The following IMMP2L variants were observed in gnomAD, a reference collection of about 807,000 sequenced individuals.
IMMP2L encodes the protein inner mitochondrial membrane peptidase subunit 2.
IMMP2L carries 18 observed loss-of-function variants against 19.3 expected under a neutral mutation model. The ratio of observed to expected loss-of-function variants is 0.93; its 90% confidence interval spans 0.64 to 1.38. IMMP2L has a LOEUF of 1.38. Ranked by LOEUF, IMMP2L falls within the 40% of genes most tolerant of loss-of-function variation. The pLI is 0.00. For synonymous variants in IMMP2L, 76 were observed against 73.0 expected (o/e 1.04, Z -0.21); for missense variants, 233 against 218.2 (o/e 1.07, Z -0.43).
intron 1 of IMMP2L, among the ~76,000 whole-genome samples, chr7:111,525,525 C>T (rs1479582651): frequency 6.6e-6 from 1 of 152,050 alleles, no homozygotes; most frequent in Admixed American, 6.6e-5. Flanking sequence ...TATAGGGAAA[C>T]CACATTATTC....
At chr7:111,268,954 G>A (rs867767256) in intron 3 of IMMP2L, among the ~76,000 whole-genome samples, 1 of 152,026 alleles carries the variant, frequency 6.6e-6, no homozygotes, top group East Asian at 1.9e-4. Context: ...TAAATTGGAG[G>A]CATCTGCAAA....
chr7:111,315,955 T>C (rs190753622), intron 3 of IMMP2L, among the ~76,000 whole-genome samples: 5 of 152,270 alleles, frequency 3.3e-5, no homozygotes, highest in Non-Finnish European at 7.4e-5. Flanking sequence ...AATTTCATAA[T>C]TGTGCGAACA....
rs1023143395 is a variant in IMMP2L at position 111,504,077 on chromosome 7, G to A, written c.136-16736C>T. On this transcript the variant is annotated intron_variant, in intron 2 of 5. Transcript: ENST00000405709. ...GATTGTATATCTAGAAAACCCTATT[G>A]TCTCAGCCCAAAATCTCCTTAAGCT... Among the ~76,000 whole-genome samples the A allele has an allele frequency of 2.4e-3, 371 of 152,218 alleles. 4 individuals carry two copies. The highest frequency in any genetic ancestry group is 8.5e-3 in the African/African-American group (354 of 41,528).
intron 1 of IMMP2L, among the ~76,000 whole-genome samples, chr7:111,529,134 C>A (rs1319059458): frequency 6.6e-6 from 1 of 152,160 alleles, no homozygotes; most frequent in Non-Finnish European, 1.5e-5. Flanking sequence ...CATACTTCCT[C>A]CCCAGAGGGA....
At chr7:110,887,313 C>A (rs1388439765) in intron 4 of IMMP2L, among the ~76,000 whole-genome samples, 1 of 151,918 alleles carries the variant, frequency 6.6e-6, no homozygotes, top group Non-Finnish European at 1.5e-5. Context: ...GACTAAAGAT[C>A]GATGATACAC....
chr7:110,797,856 T>C (rs969192722), intron 5 of IMMP2L, among the ~76,000 whole-genome samples: 1 of 152,022 alleles, frequency 6.6e-6, no homozygotes, highest in Admixed American at 6.6e-5. Context: ...ATAAGTGTCA[T>C]GTCAGCATCA....
intron 5 of IMMP2L, among the ~76,000 whole-genome samples, chr7:110,705,153 G>A (rs536295752): frequency 6.6e-6 from 1 of 152,044 alleles, no homozygotes; most frequent in East Asian, 1.9e-4. Context: ...TAAGAAGAGA[G>A]TTTAAAATGA....
intron 5 of IMMP2L, among the ~76,000 whole-genome samples, chr7:110,790,681 G>A (rs764553909): frequency 6.6e-6 from 1 of 151,662 alleles, no homozygotes; most frequent in African/African-American, 2.4e-5. Context: ...GGGCCACTTC[G>A]GAGTAGGTTT....
intron 5 of IMMP2L, among the ~76,000 whole-genome samples, chr7:110,829,228 A>C (rs918370591): frequency 3.9e-5 from 6 of 152,204 alleles, no homozygotes; most frequent in Admixed American, 1.3e-4. Flanking sequence ...CTCCCCAATC[A>C]GGTTAGAAAA....
At chr7:111,361,561 C>A (rs1829261970) in intron 3 of IMMP2L, among the ~76,000 whole-genome samples, 1 of 152,082 alleles carries the variant, frequency 6.6e-6, no homozygotes, top group Non-Finnish European at 1.5e-5. Context: ...CAAATTATAT[C>A]TGTCTTGTTC....
At chr7:111,427,403 T>C (rs544574943) in intron 3 of IMMP2L, among the ~76,000 whole-genome samples, 1 of 151,708 alleles carries the variant, frequency 6.6e-6, no homozygotes, top group Admixed American at 6.6e-5. Context: ...GGACAGTGCA[T>C]TATAAAAGAA....
At position 111,448,151 on chromosome 7, in the gene IMMP2L, A is replaced by T. The variant is rs1585145765; in HGVS notation, c.239+39087T>A. ...ACTGTCAACATTAGACAGATGAACGAGACAGAAAGTCAACAAGGATACCCA... is the reference window on the plus strand; with the variant it reads ...ACTGTCAACATTAGACAGATGAACGTGACAGAAAGTCAACAAGGATACCCA... On this transcript the variant is annotated intron_variant, in intron 3 of 5. Transcript: ENST00000405709. Among the ~76,000 whole-genome samples, 5 of 133,020 alleles carry T rather than the reference A, an allele frequency of 3.8e-5. 1 individual carries two copies. In the East Asian group the frequency reaches 9.9e-4, roughly 26 times the overall value. 87.3% of individuals were successfully genotyped at this position (133,020 alleles called of 152,430 possible).
intron 3 of IMMP2L, among the ~76,000 whole-genome samples, chr7:111,377,358 A>G (rs1771482264): frequency 2.0e-5 from 3 of 151,926 alleles, no homozygotes; most frequent in Non-Finnish European, 4.4e-5. Context: ...GTACAGCTCT[A>G]TAGTATAGTA....
intron 1 of IMMP2L, among the ~76,000 whole-genome samples, chr7:111,532,231 T>C (rs1847459209): frequency 1.3e-5 from 2 of 152,172 alleles, no homozygotes. Context: ...AGCTTTGCTG[T>C]TCCTTATCTA....
chr7:111,263,608 T>C (rs1286630624), intron 3 of IMMP2L, among the ~76,000 whole-genome samples: 1 of 151,962 alleles, frequency 6.6e-6, no homozygotes, highest in East Asian at 1.9e-4. Context: ...ACAGATAAAT[T>C]TGGGAGTCAT....
intron 3 of IMMP2L, among the ~76,000 whole-genome samples, chr7:111,111,412 A>G (rs1208766880): frequency 6.8e-6 from 1 of 147,908 alleles, no homozygotes; most frequent in African/African-American, 2.5e-5. Context: ...TCCCCCCCCA[A>G]AAAAAAATGG....
At chr7:111,167,687 C>T (rs988033708) in intron 3 of IMMP2L, among the ~76,000 whole-genome samples, 7 of 151,894 alleles carry the variant, frequency 4.6e-5, no homozygotes, top group African/African-American at 1.7e-4. Flanking sequence ...ATTAGGCTTA[C>T]TCTCTAATAT....
chr7:111,074,548 C>T (rs1795229212), intron 3 of IMMP2L, among the ~76,000 whole-genome samples: 1 of 152,122 alleles, frequency 6.6e-6, no homozygotes, highest in African/African-American at 2.4e-5. Context: ...TGTTTCTCTG[C>T]CAACTAACTA....
chr7:110,726,235 C>A (rs959945024), intron 5 of IMMP2L, among the ~76,000 whole-genome samples: 1 of 152,202 alleles, frequency 6.6e-6, no homozygotes, highest in Non-Finnish European at 1.5e-5. Flanking sequence ...TCTTCAAACA[C>A]TGGGCTCCTT....
Sources: gnomAD v4.1 joint callset for allele counts (sites outside exome capture counted in the v4.1 genomes callset) on GRCh38, gnomAD v4.1.1 for gene constraint, MANE v1.5 for transcripts, NCBI Gene and HGNC (gene_info 2026-07-23, HGNC 2026-07-21) for gene names.